Variants in BMX observed in about 807,000 individuals in gnomAD.
BMX encodes BMX non-receptor tyrosine kinase.
Under a neutral mutation model 59.2 loss-of-function variants are expected in BMX, and 31 were observed. The ratio of observed to expected loss-of-function variants is 0.52; its 90% confidence interval spans 0.39 to 0.71. The LOEUF (loss-of-function observed/expected upper bound fraction) is 0.71. Among genes scored for constraint, BMX ranks in the 30% least tolerant of loss-of-function variants. The pLI is 0.00. For synonymous variants in BMX, 185 were observed against 181.0 expected (o/e 1.02, Z -0.18); for missense variants, 474 against 491.7 (o/e 0.96, Z 0.34).
chrX:15,541,780 T>C (rs757689783), intron 14 of BMX, among the ~76,000 whole-genome samples: 1 of 111,422 alleles, frequency 9.0e-6, no homozygotes, highest in Admixed American at 9.5e-5. Flanking sequence ...CAATGTCTGA[T>C]ATGAGGCAGA....
chrX:15,527,575 A>T (rs1454775862), intron 9 of BMX, among the ~76,000 whole-genome samples: 1 of 111,560 alleles, frequency 9.0e-6, no homozygotes, highest in Non-Finnish European at 1.9e-5. Flanking sequence ...CTTGATACCA[A>T]ATGGCACAGA....
chrX:15,504,512 C>G (rs1297449458), intron 1 of BMX, among the ~76,000 whole-genome samples: 2 of 111,822 alleles, frequency 1.8e-5, no homozygotes. Context: ...GGGCCACGGA[C>G]AGCTGATCTT....
chrX:15,534,106 C>A, intron 11 of BMX, 106 bp from the exon 12 acceptor site: 1 of 757,338 alleles, frequency 1.3e-6, no homozygotes, highest in Non-Finnish European at 1.8e-6. Flanking sequence ...ACCTCCCTGA[C>A]TTCCCTCTCC....
intron 6 of BMX, among the ~76,000 whole-genome samples, chrX:15,520,247 CT>C (rs1403550664): frequency 8.9e-6 from 1 of 112,089 alleles, no homozygotes; most frequent in Non-Finnish European, 1.9e-5. Context: ...AGCAACATTG[CT>C]GTTTGGGTTT....
intron 4 of BMX, among the ~76,000 whole-genome samples, chrX:15,515,459 A>G (rs1924116007): frequency 9.0e-6 from 1 of 111,247 alleles, no homozygotes; most frequent in African/African-American, 3.3e-5. Context: ...TTTATGGATG[A>G]CATTATTTAG....
At chrX:15,527,395 T>A (rs1238044811) in intron 9 of BMX, among the ~76,000 whole-genome samples, 1 of 107,733 alleles carries the variant, frequency 9.3e-6, no homozygotes, top group East Asian at 2.9e-4. Context: ...AATAAGAACG[T>A]GTGGTCACCC....
intron 10 of BMX, 55 bp from the exon 11 acceptor site, chrX:15,531,273 T>C: frequency 9.5e-7 from 1 of 1,053,656 alleles, no homozygotes; most frequent in Non-Finnish European, 1.3e-6. Flanking sequence ...GCAAAATCAT[T>C]TTCAAGAATG....
chrX:15,537,095 C>A (rs765839152), intron 13 of BMX, 39 bp from the exon 14 acceptor site: 23 of 1,198,746 alleles, frequency 1.9e-5, no homozygotes, highest in Middle Eastern at 4.9e-4. Context: ...CCAAAGCTTT[C>A]TATGCTCGTC....
Position 15,526,082 on chromosome X carries a change from C to G in BMX, c.871C>G (p.Leu291Val). 3.3e-6 allele frequency: 4 copies of G among 1,207,159 alleles called. No homozygotes were observed. Among genetic ancestry groups the G allele is most frequent in the Non-Finnish European group, 3.4e-6 (3 of 892,631 alleles). The change falls in exon 9 of 19, where the codon CTG becomes GTG. Residue 291 changes from leucine (L) to valine (V), a missense_variant. Leu to Val is a conservative substitution (Grantham distance 32). Coordinates refer to ENST00000348343, the MANE Select transcript of BMX (RefSeq NM_203281.3). The part of the protein sequence containing the change: ...ESSSSEEEEN[L>V]DDYDWFAGNI... ...AAGTTCATCTGAAGAAGAGGAAAAC[C>G]TGGATGATTATGAGTGAGTATTGAA...
At chrX:15,530,480 G>A (rs1355009446) in intron 10 of BMX, among the ~76,000 whole-genome samples, 1 of 111,852 alleles carries the variant, frequency 8.9e-6, no homozygotes, top group Non-Finnish European at 1.9e-5. Context: ...GGCAGTAGTT[G>A]AAGAGGACGA....
chrX:15,522,687 C>T, intron 7 of BMX, 100 bp downstream of exon 7: 1 of 1,101,862 alleles, frequency 9.1e-7, no homozygotes, highest in South Asian at 2.2e-5. Flanking sequence ...AGGTCTTAGG[C>T]TGTCCTCTCA....
chrX:15,536,128 A>T (rs985928229), intron 12 of BMX, among the ~76,000 whole-genome samples: 2 of 112,555 alleles, frequency 1.8e-5, no homozygotes, highest in Non-Finnish European at 3.8e-5. Flanking sequence ...TGGGATTTTT[A>T]AAAATCACAT....
chrX:15,555,801 G>C (rs1926407280), intron 18 of BMX, among the ~76,000 whole-genome samples: 1 of 111,778 alleles, frequency 8.9e-6, no homozygotes, highest in Non-Finnish European at 1.9e-5. Flanking sequence ...TAAAATGCTT[G>C]CAAATAAAGA....
intron 4 of BMX, 126 bp downstream of exon 4, chrX:15,511,644 T>C (rs1923965749): frequency 3.8e-6 from 2 of 524,842 alleles, no homozygotes; most frequent in African/African-American, 4.8e-5. Flanking sequence ...GACAATCTAC[T>C]GATTTTCCTA....
At position 15,536,365 on chromosome X, in the gene BMX, G is replaced by A. The variant is rs1925343048; in HGVS notation, c.1160G>A (p.Arg387Gln). The change falls in exon 13 of 19, where the codon CGG becomes CAG. Residue 387 changes from arginine (R) to glutamine (Q), a missense_variant. Arg to Gln is a conservative substitution (Grantham distance 43, BLOSUM62 1). Coordinates refer to ENST00000348343, the MANE Select transcript of BMX (RefSeq NM_203281.3). ...HQHNSAGMIT[R>Q]LRHPVSTKAN... is the part of the protein sequence containing the mutation. The stretch of plus-strand genomic sequence containing the variant: ...GATTCCATTGCAGGCATGATCACAC[G>A]GCTCCGCCACCCTGTGTCAACAAAG... 3 of 1,209,014 alleles carry A rather than the reference G, an allele frequency of 2.5e-6. No individual in the cohort carries two copies. The highest frequency in any genetic ancestry group is 3.0e-5 in the East Asian group (1 of 33,786).
In BMX at chrX:15,525,990, G is replaced by C. The variant is rs756243299; in HGVS notation, c.831-52G>C. The C allele has an allele frequency of 2.8e-6, 3 of 1,072,781 alleles. No homozygotes were observed. In the South Asian group the frequency reaches 6.0e-5, roughly 22 times the overall value. The allele number at this position is 1,072,781 out of a possible 1,213,427, so 88.4% of individuals were successfully genotyped here. ...TTGATATTGCATGGCTACGCACTTG[G>C]ATTATTTCTTGGTGCTTTTCTGCAC... On this transcript the variant is annotated intron_variant, in intron 8 of 18. Coordinates refer to ENST00000348343, the MANE Select transcript of BMX (RefSeq NM_203281.3).
In BMX at chrX:15,525,364, T is replaced by C. The variant is rs1393128794; in HGVS notation, c.829T>C (p.Trp277Arg). Reference sequence around the variant, plus strand: ...GAATCACACCACCTCAAAGATTTCATGGTAAATCAAATTCAGATATCTCCT... The same window carrying C: ...GAATCACACCACCTCAAAGATTTCACGGTAAATCAAATTCAGATATCTCCT... The part of the protein sequence containing the change: ...NVNHTTSKIS[W>R]EFPESSSSEE... The change falls in exon 8 of 19, where the codon TGG becomes CGG. Residue 277 changes from tryptophan to arginine, a missense_variant and splice_region_variant. Physicochemically the swap from Trp to Arg is moderately radical, Grantham distance 101. Coordinates refer to ENST00000348343, the MANE Select transcript of BMX (RefSeq NM_203281.3). 6 of 1,203,358 alleles carry C rather than the reference T, an allele frequency of 5.0e-6. No homozygotes were observed. The highest frequency in any genetic ancestry group is 5.6e-6 in the Non-Finnish European group (5 of 888,713).
chrX:15,550,807 A>T (rs1322676892), intron 18 of BMX, among the ~76,000 whole-genome samples: 1 of 111,023 alleles, frequency 9.0e-6, no homozygotes, highest in Non-Finnish European at 1.9e-5. Context: ...AAACGTGATT[A>T]CTTTTGCACC....
intron 6 of BMX, among the ~76,000 whole-genome samples, chrX:15,519,574 A>G (rs1924343318): frequency 9.0e-6 from 1 of 111,708 alleles, no homozygotes; most frequent in African/African-American, 3.3e-5. Flanking sequence ...GAGTTATGTT[A>G]CCACAGGCCA....
Sources: allele counts gnomAD v4.1 joint callset (sites outside exome capture counted in the v4.1 genomes callset), GRCh38; gene constraint gnomAD v4.1.1; transcripts MANE v1.5; gene names NCBI Gene and HGNC (gene_info 2026-07-23, HGNC 2026-07-21).